The following MYOZ2 variants were observed in gnomAD, a reference collection of about 807,000 sequenced individuals.
The protein encoded by MYOZ2 is myozenin-2.
Under a neutral mutation model 25.4 loss-of-function variants are expected in MYOZ2, and 19 were observed. The ratio of observed to expected loss-of-function variants is 0.75; its 90% CI spans 0.52 to 1.10. The LOEUF is 1.10. MYOZ2 is among the 50% of genes least tolerant of loss of function. MYOZ2 has a pLI of 0.00. For synonymous variants in MYOZ2, 92 were observed against 106.9 expected, an observed-to-expected ratio of 0.86 and a Z score of 0.86; for missense variants, 270 against 317.9, an observed-to-expected ratio of 0.85 and a Z score of 1.15.
At position 119,147,705 on chromosome 4, in the gene MYOZ2, C is replaced by T. The variant is rs568951355; in HGVS notation, c.77-3167C>T. 1.2e-4 allele frequency among the ~76,000 whole-genome samples: 18 copies of T among 148,488 alleles called. No homozygotes were observed. The South Asian group carries it at 3.8e-3, about 31-fold the overall frequency. On this transcript the variant is annotated intron_variant, in intron 2 of 5. Transcript: ENST00000307128. ...GTTGCAGTGAGCCAAGATCGGGTCA[C>T]TGCACTCCAGCCTGGGTGACAGAGT...
intron 2 of MYOZ2, among the ~76,000 whole-genome samples, chr4:119,148,366 A>C (rs1196945332): frequency 6.6e-6 from 1 of 152,084 alleles, no homozygotes; most frequent in African/African-American, 2.4e-5. Context: ...TAGCTTCTCG[A>C]ATCTGTAAGT....
intron 4 of MYOZ2, among the ~76,000 whole-genome samples, chr4:119,163,565 G>A (rs1021820557): frequency 3.3e-5 from 5 of 152,154 alleles, no homozygotes; most frequent in African/African-American, 4.8e-5. Context: ...GAATAAACTG[G>A]GGAGGTGAGA....
intron 4 of MYOZ2, among the ~76,000 whole-genome samples, chr4:119,163,591 C>T: frequency 6.6e-6 from 1 of 152,134 alleles, no homozygotes; most frequent in East Asian, 1.9e-4. Flanking sequence ...AGCAGAAAAG[C>T]TAGGTAAGAA....
At chr4:119,175,425 T>C (rs376273540) in intron 5 of MYOZ2, among the ~76,000 whole-genome samples, 1 of 152,298 alleles carries the variant, frequency 6.6e-6, no homozygotes, top group African/African-American at 2.4e-5. Flanking sequence ...CTAGAAATGT[T>C]CAATTGTAAT....
intron 3 of MYOZ2, 133 bp from the exon 4 acceptor site, chr4:119,157,889 G>C: frequency 9.4e-7 from 1 of 1,063,034 alleles, no homozygotes; most frequent in Non-Finnish European, 1.4e-6. Context: ...AAAAATTATT[G>C]AGGTCCCAGG....
chr4:119,159,309 T>G (rs563198576), intron 4 of MYOZ2, among the ~76,000 whole-genome samples: 3 of 152,216 alleles, frequency 2.0e-5, no homozygotes, highest in Non-Finnish European at 4.4e-5. Flanking sequence ...AGCCCAGATC[T>G]GGTACCAAAT....
intron 5 of MYOZ2, among the ~76,000 whole-genome samples, chr4:119,182,835 C>G (rs951332871): frequency 1.3e-5 from 2 of 152,220 alleles, no homozygotes; most frequent in Middle Eastern, 3.4e-3. Flanking sequence ...CTTGCTGTAA[C>G]AGATGCAATG....
In MYOZ2 at chr4:119,186,883, A is replaced by G. The variant is rs1742303458; in HGVS notation, c.*683A>G. On this transcript the variant is annotated 3_prime_UTR_variant, in exon 6 of 6. Coordinates refer to ENST00000307128, the MANE Select transcript of MYOZ2 (RefSeq NM_016599.5). The stretch of plus-strand genomic sequence containing the variant: ...GGGACGTCATAGTACCATAGTTTTA[A>G]GGACCAAGGTGTGCCCAGAATTCAA... 1.3e-5 allele frequency: 2 copies of G among 152,428 alleles called. No homozygotes were observed. The highest frequency in any genetic ancestry group is 4.1e-4 in the South Asian group (2 of 4,832). 9.4% of individuals were successfully genotyped at this position (152,428 alleles called of 1,614,324 possible).
At chr4:119,159,099 C>T (rs1309776925) in intron 4 of MYOZ2, among the ~76,000 whole-genome samples, 1 of 151,896 alleles carries the variant, frequency 6.6e-6, no homozygotes, top group Admixed American at 6.6e-5. Context: ...TATGTACCCA[C>T]AAAAGTCAAA....
intron 3 of MYOZ2, 113 bp downstream of exon 3, chr4:119,151,154 G>C (rs1429994683): frequency 1.7e-5 from 19 of 1,113,346 alleles, no homozygotes; most frequent in Non-Finnish European, 2.3e-5. Context: ...AATTTATTCT[G>C]TTAGGCTATT....
At chr4:119,136,957 T>C (rs1741042036) in intron 2 of MYOZ2, among the ~76,000 whole-genome samples, 1 of 152,154 alleles carries the variant, frequency 6.6e-6, no homozygotes, top group African/African-American at 2.4e-5. Context: ...CCATCCCACA[T>C]GGTTTAGCTT....
At chr4:119,180,043 C>T (rs1467356869) in intron 5 of MYOZ2, among the ~76,000 whole-genome samples, 1 of 152,184 alleles carries the variant, frequency 6.6e-6, no homozygotes, top group Non-Finnish European at 1.5e-5. Flanking sequence ...AGTAGGCACA[C>T]ATTAAATATG....
intron 5 of MYOZ2, among the ~76,000 whole-genome samples, chr4:119,178,750 GCATCCAC>G (rs1192020535): frequency 6.6e-6 from 1 of 152,146 alleles, no homozygotes; most frequent in East Asian, 1.9e-4. Context: ...GGGACTACAG[GCATCCAC>G]CACCTCACCC....
At chr4:119,174,801 C>G (rs562588204) in intron 5 of MYOZ2, among the ~76,000 whole-genome samples, 72 of 152,256 alleles carry the variant, frequency 4.7e-4, no homozygotes, top group Middle Eastern at 3.4e-3. Context: ...TGCAATAAAT[C>G]TTGCTACTGC....
At chr4:119,157,423 G>T (rs1043544242) in intron 3 of MYOZ2, among the ~76,000 whole-genome samples, 2 of 151,976 alleles carry the variant, frequency 1.3e-5, no homozygotes, top group East Asian at 1.9e-4. Flanking sequence ...AAAGACAAAT[G>T]TATTTTTTCA....
Position 119,186,488 on chromosome 4 carries a change from C to T in MYOZ2, c.*288C>T, listed in dbSNP as rs897785757. 2 of 391,064 alleles carry T rather than the reference C, an allele frequency of 5.1e-6. No individual in the cohort carries two copies. Among genetic ancestry groups the T allele is most frequent in the African/African-American group, 2.1e-5 (1 of 47,980 alleles). The allele number at this position is 391,064 out of a possible 1,614,324, so 24.2% of individuals were successfully genotyped here. On this transcript the variant is annotated 3_prime_UTR_variant, in exon 6 of 6. Transcript: ENST00000307128. Reference sequence around the variant, plus strand: ...AAAGTTCAGATGGAAAAGTAATTGACAGTTTCACCTTTGTCTCATTTTATA... The same window carrying T: ...AAAGTTCAGATGGAAAAGTAATTGATAGTTTCACCTTTGTCTCATTTTATA...
At chr4:119,145,586 C>G (rs527285190) in intron 2 of MYOZ2, among the ~76,000 whole-genome samples, 7 of 150,618 alleles carry the variant, frequency 4.6e-5, no homozygotes, top group Admixed American at 4.6e-4. Context: ...GTTGCTCAGG[C>G]TGGTCTTGAA....
chr4:119,184,832 G>A (rs1742258691), intron 5 of MYOZ2, among the ~76,000 whole-genome samples: 1 of 152,188 alleles, frequency 6.6e-6, no homozygotes, highest in Non-Finnish European at 1.5e-5. Flanking sequence ...CAGACATACT[G>A]CTTGACCTAA....
chr4:119,155,820 T>C (rs535791443), intron 3 of MYOZ2, among the ~76,000 whole-genome samples: 1 of 152,246 alleles, frequency 6.6e-6, no homozygotes, highest in East Asian at 1.9e-4. Context: ...AGATAGATGA[T>C]GACATGATAA....
Sources: gnomAD v4.1 joint callset for allele counts (sites outside exome capture counted in the v4.1 genomes callset) on GRCh38, gnomAD v4.1.1 for gene constraint, MANE v1.5 for transcripts, NCBI Gene and HGNC (gene_info 2026-07-23, HGNC 2026-07-21) for gene names.